Variants in TRPC6 observed in about 807,000 individuals in gnomAD.
TRPC6 encodes the protein transient receptor potential cation channel subfamily C member 6, also known as short transient receptor potential channel 6.
A neutral mutation model predicts 90.7 loss-of-function variants in TRPC6; 55 were observed. The observed-to-expected ratio is 0.61, with a 90% confidence interval of 0.49 to 0.76. TRPC6 has a LOEUF of 0.76. Ranked by LOEUF, TRPC6 falls within the 30% of genes least tolerant of loss-of-function variation. TRPC6 has a pLI of 0.00. For synonymous variants in TRPC6, 393 were observed against 393.0 expected (o/e 1.00, Z 0.00); for missense variants, 989 against 1,122.7 (o/e 0.88, Z 1.70).
At chr11:101,492,182 T>C (rs1248643691) in intron 2 of TRPC6, among the ~76,000 whole-genome samples, 1 of 152,140 alleles carries the variant, frequency 6.6e-6, no homozygotes, top group Non-Finnish European at 1.5e-5. Flanking sequence ...TTATCATATA[T>C]CAATTGCAGT....
chr11:101,575,024 T>TTA lies in TRPC6; in HGVS notation c.170+8308_170+8309dup, dbSNP rs1355035680. ...CTCTGCTTTGAATAGGCAGTCAATC[T>TTA]TAACATGACTATCCACACTGTAATT... On this transcript the variant is annotated intron_variant, in intron 1 of 12. Transcript: ENST00000344327. Among the ~76,000 whole-genome samples the TTA allele has an allele frequency of 5.3e-5, 8 of 152,314 alleles. No individual in the cohort carries two copies. In the East Asian group the frequency reaches 1.3e-3, roughly 26 times the overall value.
chr11:101,503,499 C>T (rs928609009), intron 2 of TRPC6, among the ~76,000 whole-genome samples: 1 of 152,128 alleles, frequency 6.6e-6, no homozygotes, highest in Non-Finnish European at 1.5e-5. Context: ...TTTACCTCTA[C>T]CTGGTAGTTT....
chr11:101,570,891 T>G (rs1047698963), intron 1 of TRPC6, among the ~76,000 whole-genome samples: 3 of 152,202 alleles, frequency 2.0e-5, no homozygotes, highest in African/African-American at 4.8e-5. Flanking sequence ...GAGCTATTTA[T>G]GACAGACCCA....
chr11:101,542,609 TAA>T (rs35068758), intron 1 of TRPC6, among the ~76,000 whole-genome samples: 2 of 144,860 alleles, frequency 1.4e-5, no homozygotes, highest in Admixed American at 7.0e-5. Context: ...GCTACAGCAT[TAA>T]AAAAAAAAAC....
chr11:101,463,094 T>C (rs1452937597), intron 10 of TRPC6, among the ~76,000 whole-genome samples: 1 of 152,222 alleles, frequency 6.6e-6, no homozygotes, highest in African/African-American at 2.4e-5. Context: ...TGGTTCTGTT[T>C]ACGTGATGGA....
intron 1 of TRPC6, among the ~76,000 whole-genome samples, chr11:101,510,751 T>C (rs569591044): frequency 3.9e-5 from 6 of 152,304 alleles, no homozygotes; most frequent in South Asian, 2.1e-4. Context: ...TCCATCTCTA[T>C]TGAAAATGCC....
chr11:101,489,199 T>C (rs898076831), intron 3 of TRPC6, 98 bp from the exon 4 acceptor site: 1 of 1,140,570 alleles, frequency 8.8e-7, no homozygotes. Flanking sequence ...TCCAATGAAA[T>C]ACATTGTTAG....
chr11:101,480,751 G>T lies in TRPC6; in HGVS notation c.1510+2198C>A, dbSNP rs187728827. Among the ~76,000 whole-genome samples the T allele has an allele frequency of 1.7e-3, 260 of 152,108 alleles. 4 individuals carry two copies. Among genetic ancestry groups the T allele is most frequent in the Admixed American group, 6.1e-3 (93 of 15,286 alleles). Reference sequence around the variant, plus strand: ...GAACATGTCCGTTGTGCCAAGTACTGTATTATTTACCTTACATATACTAAG... The same window carrying T: ...GAACATGTCCGTTGTGCCAAGTACTTTATTATTTACCTTACATATACTAAG... On this transcript the variant is annotated intron_variant, in intron 5 of 12. Coordinates refer to ENST00000344327, the MANE Select transcript of TRPC6 (RefSeq NM_004621.6).
intron 1 of TRPC6, among the ~76,000 whole-genome samples, chr11:101,506,602 G>GT (rs1212257682): frequency 1.3e-5 from 2 of 151,890 alleles, no homozygotes; most frequent in Non-Finnish European, 2.9e-5. Flanking sequence ...CCAAACTGAT[G>GT]TTTTTTTCAA....
chr11:101,528,012 G>A (rs1206116277), intron 1 of TRPC6, among the ~76,000 whole-genome samples: 1 of 152,132 alleles, frequency 6.6e-6, no homozygotes, highest in African/African-American at 2.4e-5. Flanking sequence ...GGCAGAGGTT[G>A]CAATGAGCCG....
chr11:101,541,254 A>G (rs1173261052), intron 1 of TRPC6, among the ~76,000 whole-genome samples: 1 of 152,226 alleles, frequency 6.6e-6, no homozygotes, highest in African/African-American at 2.4e-5. Flanking sequence ...GTTTAAACTC[A>G]TTCAGCTCGC....
intron 2 of TRPC6, among the ~76,000 whole-genome samples, chr11:101,493,430 A>C (rs1208417831): frequency 1.3e-5 from 2 of 152,124 alleles, no homozygotes; most frequent in Non-Finnish European, 2.9e-5. Flanking sequence ...TATCTCATTT[A>C]ATCTTTACAA....
At chr11:101,544,693 A>T (rs1861256876) in intron 1 of TRPC6, among the ~76,000 whole-genome samples, 1 of 151,974 alleles carries the variant, frequency 6.6e-6, no homozygotes, top group Non-Finnish European at 1.5e-5. Flanking sequence ...GAACACATGG[A>T]CACAGGGAGG....
At chr11:101,474,979 T>G (rs1859378673) in intron 6 of TRPC6, among the ~76,000 whole-genome samples, 1 of 152,300 alleles carries the variant, frequency 6.6e-6, no homozygotes, top group East Asian at 1.9e-4. Flanking sequence ...ATCGGGCACT[T>G]GCTGCCATCC....
At position 101,583,492 on chromosome 11, in the gene TRPC6, G is replaced by A. The variant is rs1242501213; in HGVS notation, c.12C>T (p.Ser4=). 7 of 1,496,178 alleles carry A rather than the reference G, an allele frequency of 4.7e-6. No homozygotes were observed. Among genetic ancestry groups the A allele is most frequent in the African/African-American group, 1.4e-5 (1 of 69,762 alleles). 92.7% of individuals were successfully genotyped at this position (1,496,178 alleles called of 1,614,324 possible). MSQ[S]PAFGPRRGSS... is the part of the protein sequence containing the mutation. ...TGCCCCTCCGGGGCCCGAACGCCGG[G>A]CTCTGGCTCATGGCGGGAACGCCCG... The change falls in exon 1 of 13, where the codon AGC becomes AGT. Residue 4 remains serine, a synonymous_variant. Coordinates refer to ENST00000344327, the MANE Select transcript of TRPC6 (RefSeq NM_004621.6).
intron 10 of TRPC6, 147 bp downstream of exon 10, chr11:101,469,280 C>T (rs369959034): frequency 9.5e-6 from 6 of 630,282 alleles, no homozygotes; most frequent in African/African-American, 3.7e-5. Flanking sequence ...CTCTCAATAA[C>T]AGAATTGTTG....
Position 101,480,119 on chromosome 11 carries a change from G to A in TRPC6, c.1510+2830C>T, listed in dbSNP as rs535714782. The stretch of plus-strand genomic sequence containing the variant: ...CTTGAACCCGGGAGGTGGAGGTTGC[G>A]GTGAGCTGAGATCGCGCCATTGCAC... On this transcript the variant is annotated intron_variant, in intron 5 of 12. Coordinates refer to ENST00000344327, the MANE Select transcript of TRPC6 (RefSeq NM_004621.6). Among the ~76,000 whole-genome samples the A allele has an allele frequency of 2.8e-4, 43 of 152,080 alleles. No homozygotes were observed. The East Asian group carries it at 3.3e-3, about 12-fold the overall frequency.
rs71056630 is a variant in TRPC6 at position 101,558,460 on chromosome 11, TACACAC to T, written c.170+24868_170+24873del. On this transcript the variant is annotated intron_variant, in intron 1 of 12. Transcript: ENST00000344327. ...ATACATATATATACACACGCACACA[TACACAC>T]ACACACACACACACACACACACACA... 4.5e-3 allele frequency among the ~76,000 whole-genome samples: 229 copies of T among 50,388 alleles called. 43 individuals carry two copies. The highest frequency in any genetic ancestry group is 0.022 in the Middle Eastern group (2 of 90). 33.1% of individuals were successfully genotyped at this position (50,388 alleles called of 152,430 possible).
chr11:101,458,883 CCAT>C, intron 10 of TRPC6, among the ~76,000 whole-genome samples: 1 of 152,212 alleles, frequency 6.6e-6, no homozygotes, highest in South Asian at 2.1e-4. Context: ...AATTCACTTA[CCAT>C]CTTAGATATA....
Sources: allele counts gnomAD v4.1 joint callset (sites outside exome capture counted in the v4.1 genomes callset), GRCh38; gene constraint gnomAD v4.1.1; transcripts MANE v1.5; gene names NCBI Gene and HGNC (gene_info 2026-07-23, HGNC 2026-07-21).